RNF121: variants seen among roughly 807,000 people sequenced by gnomAD.
RNF121 encodes the protein ring finger protein 121.
A neutral mutation model predicts 46.5 loss-of-function variants in RNF121; 21 were observed. The observed-to-expected ratio is 0.45, with a 90% CI of 0.32 to 0.65. The LOEUF is 0.65. RNF121 is among the 30% of genes least tolerant of loss of function. The pLI, the probability that RNF121 is intolerant of heterozygous loss-of-function variation, is 0.04. For synonymous variants in RNF121, 139 were observed against 144.7 expected (o/e 0.96, Z 0.28); for missense variants, 346 against 416.0 (o/e 0.83, Z 1.46).
chr11:71,959,566 A>G (rs1432323122), intron 2 of RNF121, among the ~76,000 whole-genome samples: 1 of 150,838 alleles, frequency 6.6e-6, no homozygotes, highest in African/African-American at 2.4e-5. Context: ...ATTTATTTAA[A>G]TTTGCCCTTT....
chr11:71,932,471 T>C (rs935379213), intron 1 of RNF121, among the ~76,000 whole-genome samples: 4 of 152,378 alleles, frequency 2.6e-5, no homozygotes, highest in Non-Finnish European at 5.9e-5. Context: ...CTATTTGTGC[T>C]CTAGGGGGTG....
chr11:71,945,937 AC>A (rs1298903548), intron 1 of RNF121, among the ~76,000 whole-genome samples: 1 of 151,778 alleles, frequency 6.6e-6, no homozygotes, highest in Admixed American at 6.6e-5. Context: ...ACATAGAGAA[AC>A]CCCATCTTCC....
chr11:71,957,495 A>G (rs1008479813), intron 2 of RNF121, among the ~76,000 whole-genome samples: 8 of 152,134 alleles, frequency 5.3e-5, no homozygotes, highest in African/African-American at 1.9e-4. Context: ...CATTTCTACC[A>G]TTTACTAGCT....
intron 5 of RNF121, among the ~76,000 whole-genome samples, chr11:71,987,873 G>A (rs541947967): frequency 4.9e-4 from 74 of 152,336 alleles, no homozygotes; most frequent in Non-Finnish European, 5.9e-4. Flanking sequence ...GGAATGAGAT[G>A]ACACAGATGG....
rs34778760 is a variant in RNF121 at position 71,946,867 on chromosome 11, C to CTTTTTT, written c.64-10345_64-10340dup. On this transcript the variant is annotated intron_variant, in intron 1 of 8. Coordinates refer to ENST00000361756, the MANE Select transcript of RNF121 (RefSeq NM_018320.5). ...AGCTGGGATTACAGGTGCTCTGGCT[C>CTTTTTT]TTTTTTTTTTTTTTTTTTTTGAGAC... Among the ~76,000 whole-genome samples the CTTTTTT allele has an allele frequency of 7.2e-4, 71 of 98,404 alleles. 3 individuals are homozygous for CTTTTTT. Among genetic ancestry groups the CTTTTTT allele is most frequent in the Middle Eastern group, 0.018 (2 of 112 alleles). 64.6% of individuals were successfully genotyped at this position (98,404 alleles called of 152,430 possible). A position where few individuals can be genotyped will look rare whatever the true frequency, so the allele number is the denominator to read the frequency against.
chr11:71,945,022 C>T (rs1476092607), intron 1 of RNF121, among the ~76,000 whole-genome samples: 2 of 151,660 alleles, frequency 1.3e-5, no homozygotes, highest in Non-Finnish European at 2.9e-5. Flanking sequence ...ACAGGGTCTT[C>T]TGTCACCCAG....
chr11:71,967,986 C>T (rs1345740014), intron 3 of RNF121, among the ~76,000 whole-genome samples: 4 of 151,932 alleles, frequency 2.6e-5, no homozygotes, highest in South Asian at 4.1e-4. Flanking sequence ...TAATTTGCTA[C>T]GGATATCTTT....
intron 1 of RNF121, among the ~76,000 whole-genome samples, chr11:71,934,347 T>C (rs1004194966): frequency 3.3e-5 from 5 of 152,224 alleles, no homozygotes; most frequent in Admixed American, 6.5e-5. Context: ...ATGCAAAATA[T>C]GTCACAGGTG....
chr11:71,935,846 C>CTTTT (rs994241423), intron 1 of RNF121, among the ~76,000 whole-genome samples: 28 of 114,722 alleles, frequency 2.4e-4, no homozygotes, highest in African/African-American at 3.2e-4. Context: ...TATTCTTTTT[C>CTTTT]TTTTTTTTTT....
chr11:71,956,563 G>C (rs1446823442), intron 1 of RNF121, among the ~76,000 whole-genome samples: 6 of 152,206 alleles, frequency 3.9e-5, no homozygotes, highest in Non-Finnish European at 8.8e-5. Flanking sequence ...GATATCGCTA[G>C]TTAATAGCAG....
intron 1 of RNF121, among the ~76,000 whole-genome samples, chr11:71,942,708 G>A (rs1953605464): frequency 1.3e-5 from 2 of 151,152 alleles, no homozygotes; most frequent in South Asian, 4.2e-4. Flanking sequence ...AGGTTGCAGT[G>A]AGCCAAGATC....
At chr11:71,943,032 A>C (rs1953622704) in intron 1 of RNF121, among the ~76,000 whole-genome samples, 1 of 152,046 alleles carries the variant, frequency 6.6e-6, no homozygotes, top group Non-Finnish European at 1.5e-5. Flanking sequence ...TTCACAACCT[A>C]ATCACCTCCT....
Position 71,930,056 on chromosome 11 carries a change from G to A in RNF121, c.63+932G>A, listed in dbSNP as rs183797899. On this transcript the variant is annotated intron_variant, in intron 1 of 8. Transcript: ENST00000361756. The stretch of plus-strand genomic sequence containing the variant: ...AGACTGGTGTATTAAAATACCAGTG[G>A]TCCTTGAAGGAATCACTAGGAGGAA... Among the ~76,000 whole-genome samples the A allele has an allele frequency of 1.1e-4, 17 of 152,302 alleles. 1 individual carries two copies. In the East Asian group the frequency reaches 3.1e-3, roughly 28 times the overall value.
rs1481279927 is a variant in RNF121, at chr11:71,982,838, C to G, written c.321C>G (p.Ile107Met). 15 of 1,613,928 alleles carry G rather than the reference C, an allele frequency of 9.3e-6. No homozygotes were observed. The highest frequency in any genetic ancestry group is 1.3e-5 in the Non-Finnish European group (15 of 1,179,986). ...VKLHWWRFLV[I>M]WILFSAVTAF... ...TGCACTGGTGGAGGTTCCTAGTGAT[C>G]TGGATCTTGTTCTCTGCTGTCACAG... The change falls in exon 4 of 9, where the codon ATC becomes ATG. Residue 107 changes from isoleucine (I) to methionine (M), a missense_variant. By Grantham distance (10) the Ile-to-Met change is conservative. Transcript: ENST00000361756.
At position 71,951,508 on chromosome 11, in the gene RNF121, C is replaced by G. The variant is rs1029209593; in HGVS notation, c.64-5719C>G. Among the ~76,000 whole-genome samples the G allele has an allele frequency of 1.1e-4, 17 of 151,810 alleles. 1 individual carries two copies. Among genetic ancestry groups the G allele is most frequent in the Admixed American group, 7.9e-4 (12 of 15,202 alleles). ...TAGTCTCAGCTACTTGGGAGGTAGT[C>G]CCAGCTACTTGGGTGGCTGGGGTGG... is the stretch of plus-strand genomic sequence containing the variant. On this transcript the variant is annotated intron_variant, in intron 1 of 8. Transcript: ENST00000361756.
chr11:71,939,780 C>T (rs544986699), intron 1 of RNF121, among the ~76,000 whole-genome samples: 37 of 152,114 alleles, frequency 2.4e-4, no homozygotes, highest in Non-Finnish European at 4.6e-4. Context: ...TCAAAAGTCA[C>T]TATGTATTTA....
intron 1 of RNF121, among the ~76,000 whole-genome samples, chr11:71,949,888 A>G (rs1014251342): frequency 2.0e-5 from 3 of 151,686 alleles, no homozygotes; most frequent in Non-Finnish European, 2.9e-5. Context: ...TGTAATCCCA[A>G]CTACTCTGGA....
intron 4 of RNF121, 83 bp from the exon 5 acceptor site, chr11:71,986,921 T>G: frequency 2.4e-6 from 2 of 825,240 alleles, no homozygotes; most frequent in Non-Finnish European, 4.2e-6. Context: ...CCCATTGATG[T>G]GAGAATAAAG....
intron 3 of RNF121, among the ~76,000 whole-genome samples, chr11:71,962,502 G>A (rs776158393): frequency 6.6e-6 from 1 of 152,138 alleles, no homozygotes; most frequent in Non-Finnish European, 1.5e-5. Context: ...GAAAACCACT[G>A]ATGTGTTATT....
Sources: allele counts gnomAD v4.1 joint callset (sites outside exome capture counted in the v4.1 genomes callset), GRCh38; gene constraint gnomAD v4.1.1; transcripts MANE v1.5; gene names NCBI Gene and HGNC (gene_info 2026-07-23, HGNC 2026-07-21).